The following NLRP11 variants were observed in gnomAD, a reference collection of about 807,000 sequenced individuals.
The protein encoded by NLRP11 is NLR family pyrin domain containing 11, also known as NACHT, LRR and PYD domains-containing protein 11.
Under a neutral mutation model 79.3 loss-of-function variants are expected in NLRP11, and 53 were observed. The ratio of observed to expected loss-of-function variants is 0.67; its 90% CI spans 0.54 to 0.84. NLRP11 has a LOEUF of 0.84. NLRP11 is among the 40% of genes least tolerant of loss of function. The pLI, the probability that NLRP11 is intolerant of heterozygous loss-of-function variation, is 0.00. For synonymous variants in NLRP11, 518 were observed against 462.6 expected, an observed-to-expected ratio of 1.12 and a Z score of -1.54; for missense variants, 1,264 against 1,255.0, an observed-to-expected ratio of 1.01 and a Z score of -0.11.
intron 1 of NLRP11, among the ~76,000 whole-genome samples, chr19:55,831,183 T>C (rs772498301): frequency 2.3e-5 from 3 of 128,214 alleles, no homozygotes; most frequent in Non-Finnish European, 4.8e-5. Context: ...AACAGAATCA[T>C]TGACTATGGC....
intron 1 of NLRP11, among the ~76,000 whole-genome samples, chr19:55,818,792 T>G (rs1468316700): frequency 1.3e-5 from 2 of 152,100 alleles, no homozygotes; most frequent in Non-Finnish European, 2.9e-5. Flanking sequence ...GAAATCTAAG[T>G]TATGATGTAC....
chr19:55,817,821 A>T, intron 2 of NLRP11, 83 bp downstream of exon 2: 1 of 118,710 alleles, frequency 8.4e-6, no homozygotes, highest in Non-Finnish European at 1.2e-5. Context: ...ACCTATTTAG[A>T]AAAAAAAAAA....
At chr19:55,823,163 C>G (rs1332196087) in intron 1 of NLRP11, among the ~76,000 whole-genome samples, 3 of 146,480 alleles carry the variant, frequency 2.0e-5, no homozygotes, top group Non-Finnish European at 4.5e-5. Flanking sequence ...ACTGACACCT[C>G]ACACGGCAGG....
At chr19:55,817,909 C>T (rs747664882) in exon 2 of NLRP11, 23 of 1,602,480 alleles carry the variant, frequency 1.4e-5, no homozygotes, top group South Asian at 2.2e-5. Context: ...CTCACGGTTT[C>T]GTCTGCCAAT....
chr19:55,809,086 C>T lies in NLRP11; in HGVS notation c.1524G>A (p.Glu508=). Residue 508 remains glutamate, a synonymous_variant, in exon 3 of 10, where the codon GAG becomes GAA. Coordinates refer to ENST00000589093, the Ensembl canonical transcript of NLRP11. This position sits in a 1 kb window ranked among gnomAD's most constrained non-coding sequence, Gnocchi z 4.5. ...TCGGTAGCTGGTATCCAAAGGATGT[C>T]TCAAGAATCTTTCTCCTGTTTGCAT... 1 of 1,613,836 alleles carries T rather than the reference C, an allele frequency of 6.2e-7. No homozygotes were observed. The highest frequency in any genetic ancestry group is 8.5e-7 in the Non-Finnish European group (1 of 1,179,930).
At chr19:55,798,282 G>T in intron 5 of NLRP11, 1 of 979,430 alleles carries the variant, frequency 1.0e-6, no homozygotes, top group South Asian at 4.7e-5. Context: ...CCAGGCGTGA[G>T]CCGTCGCGTT....
At chr19:55,787,034 A>C (rs1989922168) in intron 9 of NLRP11, among the ~76,000 whole-genome samples, 1 of 152,178 alleles carries the variant, frequency 6.6e-6, no homozygotes, top group Non-Finnish European at 1.5e-5. Context: ...TTCTGAGATA[A>C]TTATCACCAT....
chr19:55,789,351 T>C lies in NLRP11; in HGVS notation c.2562A>G (p.Ile854Met), dbSNP rs1415716016. ...TCAGTTTTTCATTAGTAGCAATAACTATGGCAATATATTGACAGATATCGC... is the reference window on the plus strand; with the variant it reads ...TCAGTTTTTCATTAGTAGCAATAACCATGGCAATATATTGACAGATATCGC... Residue 854 changes from isoleucine (I) to methionine (M), a missense_variant, in exon 8 of 10, where the codon ATA (isoleucine) becomes ATG (methionine). Physicochemically the swap from Ile to Met is conservative, Grantham distance 10. Coordinates refer to ENST00000589093, the Ensembl canonical transcript of NLRP11. 2 of 1,613,960 alleles carry C rather than the reference T, an allele frequency of 1.2e-6. No individual in the cohort carries two copies. The highest frequency in any genetic ancestry group is 1.3e-5 in the African/African-American group (1 of 74,928).
At chr19:55,801,763 A>G in intron 4 of NLRP11, 24 bp from the exon 5 acceptor site, 1 of 1,609,448 alleles carries the variant, frequency 6.2e-7, no homozygotes, top group Non-Finnish European at 8.5e-7. Context: ...AATAGCAGGA[A>G]AGCACTAGTG....
chr19:55,792,478 A>C lies in NLRP11; in HGVS notation c.2343-7T>G. 1 of 1,613,260 alleles carries C rather than the reference A, an allele frequency of 6.2e-7. No homozygotes were observed. Among genetic ancestry groups the C allele is most frequent in the Non-Finnish European group, 8.5e-7 (1 of 1,179,338 alleles). ...GAGACAGCAGAAGACTAACCTGCAC[A>C]CAGAGAAGAGTGAGTCAGTGACAGT... On this transcript the variant is annotated splice_region_variant and splice_polypyrimidine_tract_variant and intron_variant, in intron 6 of 9. Coordinates refer to ENST00000589093, the Ensembl canonical transcript of NLRP11.
At position 55,823,633 on chromosome 19, in the gene NLRP11, C is replaced by T. The variant is rs958385542; in HGVS notation, c.-62-5397G>A. ...TGAAGAATGCAGAAGCCTCAGGAGC[C>T]GATACGATCAACTGGAAGAAAGGGT... On this transcript the variant is annotated intron_variant, in intron 1 of 9. Transcript: ENST00000589093. 1.7e-3 allele frequency among the ~76,000 whole-genome samples: 252 copies of T among 146,316 alleles called. 11 individuals are homozygous for T. The highest frequency in any genetic ancestry group is 6.9e-3 in the Middle Eastern group (2 of 290).
intron 3 of NLRP11, among the ~76,000 whole-genome samples, chr19:55,808,430 T>G (rs299164): frequency 0.42 from 63,805 of 151,960 alleles, 13,494 homozygotes; most frequent in South Asian, 0.51. Context: ...AAGCAGACAT[T>G]TGGTGATGTA....
At chr19:55,794,544 A>G (rs1279615300) in intron 6 of NLRP11, among the ~76,000 whole-genome samples, 1 of 152,180 alleles carries the variant, frequency 6.6e-6, no homozygotes, top group African/African-American at 2.4e-5. Flanking sequence ...GTGGATCACG[A>G]GGTCAGGAGA....
rs1162818209 is a variant in NLRP11, at chr19:55,801,490, G to A, written c.2171+82C>T. 5.5e-6 allele frequency: 6 copies of A among 1,087,506 alleles called. No individual in the cohort carries two copies. The East Asian group carries it at 1.2e-4, about 22-fold the overall frequency. 67.4% of individuals were successfully genotyped at this position (1,087,506 alleles called of 1,614,324 possible). ...ACATCAAAAGGTAGGAGCAGGTAGT[G>A]TTATTGAAGGGGCACCTCTATCCAC... is the stretch of plus-strand genomic sequence containing the variant. On this transcript the variant is annotated intron_variant, in intron 5 of 9. Transcript: ENST00000589093.
Position 55,785,874 on chromosome 19 carries a change from G to A in NLRP11, c.2856-3C>T, listed in dbSNP as rs763871559. The A allele has an allele frequency of 2.5e-6, 4 of 1,610,782 alleles. No homozygotes were observed. ...TGTTCAGGCCAGTTAATGGAAGCCT[G>A]AAGGAAAACAGAGAGAGAACGCCGT... On this transcript the variant is annotated splice_region_variant and splice_polypyrimidine_tract_variant and intron_variant, in intron 9 of 9. Coordinates refer to ENST00000589093, the Ensembl canonical transcript of NLRP11.
intron 5 of NLRP11, among the ~76,000 whole-genome samples, chr19:55,799,550 G>A (rs1979267899): frequency 6.6e-6 from 1 of 152,162 alleles, no homozygotes; most frequent in Non-Finnish European, 1.5e-5. Flanking sequence ...AAGATGAAAG[G>A]AGTTTGGGGA....
intron 2 of NLRP11, among the ~76,000 whole-genome samples, chr19:55,810,625 T>G (rs141305935): frequency 2.1e-3 from 317 of 152,204 alleles, no homozygotes; most frequent in African/African-American, 7.5e-3. Flanking sequence ...GCCTCCCAAG[T>G]AGCTAGGATT....
intron 1 of NLRP11, among the ~76,000 whole-genome samples, chr19:55,821,235 ACACACACACACAC>A (rs1981684827): frequency 8.2e-6 from 1 of 122,030 alleles, no homozygotes. Flanking sequence ...ACACACACAC[ACACACACACACAC>A]ACCCCAAGCA....
upstream of NLRP11, among the ~76,000 whole-genome samples, chr19:55,832,493 G>A (rs1006062246): frequency 2.6e-5 from 4 of 152,158 alleles, no homozygotes; most frequent in South Asian, 2.1e-4. Flanking sequence ...TCCTCCACCC[G>A]GGGGGCCCGT....
Sources: allele counts gnomAD v4.1 joint callset (sites outside exome capture counted in the v4.1 genomes callset), GRCh38; gene constraint gnomAD v4.1.1; non-coding constraint Gnocchi (gnomAD v3.1); transcripts MANE v1.5; gene names NCBI Gene and HGNC (gene_info 2026-07-23, HGNC 2026-07-21).